The following PIK3C2A variants were observed in gnomAD, a reference collection of about 807,000 sequenced individuals.
The protein encoded by PIK3C2A is phosphatidylinositol 4-phosphate 3-kinase C2 domain-containing subunit alpha.
PIK3C2A carries 97 observed loss-of-function variants against 204.5 expected under a neutral mutation model. The ratio of observed to expected loss-of-function variants is 0.47; its 90% confidence interval spans 0.40 to 0.56. PIK3C2A has a LOEUF of 0.56. Among genes scored for constraint, PIK3C2A ranks in the 20% least tolerant of loss-of-function variants. The pLI is 0.00. For synonymous variants in PIK3C2A, 653 were observed against 664.4 expected, an observed-to-expected ratio of 0.98 and a Z score of 0.26; for missense variants, 1,735 against 1,969.2, an observed-to-expected ratio of 0.88 and a Z score of 2.25.
intron 1 of PIK3C2A, among the ~76,000 whole-genome samples, chr11:17,186,943 G>T (rs1203728505): frequency 6.6e-6 from 1 of 152,170 alleles, no homozygotes; most frequent in Non-Finnish European, 1.5e-5. Context: ...GCTGGGTGTG[G>T]TGGTTCGGGC....
At chr11:17,098,989 A>G in intron 26 of PIK3C2A, among the ~76,000 whole-genome samples, 1 of 152,166 alleles carries the variant, frequency 6.6e-6, no homozygotes, top group East Asian at 1.9e-4. Context: ...TCCATCTCCC[A>G]GGTTCAAGCG....
intron 18 of PIK3C2A, 21 bp downstream of exon 18, chr11:17,118,624 T>A (rs1849278495): frequency 9.5e-7 from 1 of 1,052,950 alleles, no homozygotes; most frequent in East Asian, 2.4e-5. Flanking sequence ...AATACGGTAA[T>A]CAATAAAATT....
At position 17,119,259 on chromosome 11, in the gene PIK3C2A, A is replaced by G. The variant is rs143575154; in HGVS notation, c.2901T>C (p.Ser967=). The change falls in exon 17 of 33, where the codon AGT becomes AGC. Residue 967 remains serine, a synonymous_variant. Transcript: ENST00000691414. The part of the protein sequence containing the change: ...SLAVTWIEAI[S]DDELTDLLPQ... ...GAAGAAGATCTGTTAGCTCATCATCACTAATGGCCTCAATCCAGGTCACAG... is the reference window on the plus strand; with the variant it reads ...GAAGAAGATCTGTTAGCTCATCATCGCTAATGGCCTCAATCCAGGTCACAG... 13 of 1,608,516 alleles carry G rather than the reference A, an allele frequency of 8.1e-6. No individual in the cohort carries two copies. The highest frequency in any genetic ancestry group is 2.7e-5 in the African/African-American group (2 of 74,912).
chr11:17,129,509 A>ATGAT, intron 12 of PIK3C2A, 42 bp from the exon 13 acceptor site: 1 of 1,296,106 alleles, frequency 7.7e-7, no homozygotes, highest in Non-Finnish European at 1.1e-6. Context: ...ATTAGATTGA[A>ATGAT]TGATTTTGAA....
At chr11:17,178,066 C>G (rs190720106) in intron 1 of PIK3C2A, among the ~76,000 whole-genome samples, 1 of 123,272 alleles carries the variant, frequency 8.1e-6, no homozygotes, top group African/African-American at 3.3e-5. Context: ...ACACTCCAGC[C>G]TGGGCAACAG....
chr11:17,097,047 T>A lies in PIK3C2A; in HGVS notation c.4326+10A>T. On this transcript the variant is annotated intron_variant, in intron 27 of 32. Transcript: ENST00000691414. ...GCATGATTGTTTATGAATATTGAAA[T>A]CAAACTTACATAATGTTTATCTGGG... The A allele has an allele frequency of 9.6e-6, 14 of 1,454,548 alleles. No individual in the cohort carries two copies. The highest frequency in any genetic ancestry group is 1.4e-5 in the Non-Finnish European group (14 of 1,036,380). 90.1% of individuals were successfully genotyped at this position (1,454,548 alleles called of 1,614,324 possible). A position where few individuals can be genotyped will look rare whatever the true frequency, so the allele number is the denominator to read the frequency against.
chr11:17,145,966 A>T (rs1470891771), intron 6 of PIK3C2A, 24 bp from the exon 7 acceptor site: 2 of 1,548,928 alleles, frequency 1.3e-6, no homozygotes, highest in Admixed American at 3.4e-5. Flanking sequence ...TATACACAAA[A>T]AAATCACATC....
intron 1 of PIK3C2A, among the ~76,000 whole-genome samples, chr11:17,205,224 C>A (rs1045925526): frequency 1.2e-4 from 18 of 150,798 alleles, no homozygotes; most frequent in Non-Finnish European, 2.5e-4. Flanking sequence ...GTAATCCCAG[C>A]ACTTTGGGAG....
At chr11:17,100,862 TA>T (rs1848604646) in intron 25 of PIK3C2A, among the ~76,000 whole-genome samples, 1 of 152,206 alleles carries the variant, frequency 6.6e-6, no homozygotes, top group African/African-American at 2.4e-5. Context: ...ATAATAATCA[TA>T]GTGGGTTCGT....
At chr11:17,192,526 C>A (rs1289092082) in intron 1 of PIK3C2A, among the ~76,000 whole-genome samples, 1 of 152,236 alleles carries the variant, frequency 6.6e-6, no homozygotes. Context: ...CAGCTCACTA[C>A]AACCTCCATC....
chr11:17,181,103 C>T (rs1387165417), intron 1 of PIK3C2A, among the ~76,000 whole-genome samples: 1 of 152,112 alleles, frequency 6.6e-6, no homozygotes, highest in Non-Finnish European at 1.5e-5. Flanking sequence ...ACTTCCATAC[C>T]CTTTCTGGAC....
At chr11:17,105,119 G>C (rs767773759) in intron 23 of PIK3C2A, 50 bp downstream of exon 23, 5 of 1,458,012 alleles carry the variant, frequency 3.4e-6, no homozygotes, top group Non-Finnish European at 4.8e-6. Context: ...TAAAACCTCT[G>C]TAACACATTT....
At chr11:17,113,065 G>C (rs1016561901) in intron 20 of PIK3C2A, among the ~76,000 whole-genome samples, 1 of 151,992 alleles carries the variant, frequency 6.6e-6, no homozygotes, top group African/African-American at 2.4e-5. Flanking sequence ...AGGCTGGACT[G>C]CAATGGTGCA....
chr11:17,113,877 C>T (rs1849082283), intron 20 of PIK3C2A, among the ~76,000 whole-genome samples: 1 of 150,594 alleles, frequency 6.6e-6, no homozygotes, highest in Non-Finnish European at 1.5e-5. Context: ...GTCAGGAGTT[C>T]AAGACCAGCC....
At chr11:17,136,728 A>T in intron 8 of PIK3C2A, 103 bp from the exon 9 acceptor site, 1 of 603,582 alleles carries the variant, frequency 1.7e-6, no homozygotes, top group Non-Finnish European at 2.8e-6. Flanking sequence ...CCTAACAGAT[A>T]TCCTCTACTC....
At chr11:17,189,711 A>C (rs746295774) in intron 1 of PIK3C2A, among the ~76,000 whole-genome samples, 5 of 149,238 alleles carry the variant, frequency 3.4e-5, no homozygotes, top group Non-Finnish European at 7.4e-5. Flanking sequence ...AATATTAGTG[A>C]TTTTAAAAGA....
intron 21 of PIK3C2A, among the ~76,000 whole-genome samples, chr11:17,111,335 GAAGAAGAGT>G (rs1848994320): frequency 6.6e-6 from 1 of 152,152 alleles, no homozygotes; most frequent in Admixed American, 6.6e-5. Context: ...ATATTACTAT[GAAGAAGAGT>G]ACACAGGATT....
chr11:17,159,217 A>G (rs995666873), intron 2 of PIK3C2A, among the ~76,000 whole-genome samples: 4 of 152,200 alleles, frequency 2.6e-5, no homozygotes, highest in African/African-American at 9.6e-5. Context: ...ATACACATTC[A>G]CATCTTGTCT....
At chr11:17,173,880 G>A (rs1851254776) in intron 1 of PIK3C2A, among the ~76,000 whole-genome samples, 1 of 152,192 alleles carries the variant, frequency 6.6e-6, no homozygotes, top group Admixed American at 6.5e-5. Context: ...TCGGCTCACT[G>A]CAACCTCTGC....
Sources: allele counts gnomAD v4.1 joint callset (sites outside exome capture counted in the v4.1 genomes callset), GRCh38; gene constraint gnomAD v4.1.1; transcripts MANE v1.5; gene names NCBI Gene and HGNC (gene_info 2026-07-23, HGNC 2026-07-21).